SLC17A6: variants seen among roughly 807,000 people sequenced by gnomAD.
SLC17A6 encodes solute carrier family 17 member 6.
In SLC17A6, 35 loss-of-function variants were observed where a neutral mutation model predicts 67.1. The ratio of observed to expected loss-of-function variants is 0.52; its 90% CI spans 0.40 to 0.69. The LOEUF is 0.69. SLC17A6 is among the 30% of genes least tolerant of loss of function. The pLI is 0.00. For synonymous variants in SLC17A6, 285 were observed against 252.3 expected (o/e 1.13, Z -1.23); for missense variants, 588 against 723.9 (o/e 0.81, Z 2.15).
chr11:22,370,602 A>G (rs1277055310), intron 8 of SLC17A6, among the ~76,000 whole-genome samples: 1 of 152,184 alleles, frequency 6.6e-6, no homozygotes, highest in Non-Finnish European at 1.5e-5. Context: ...ATGCTCTTAG[A>G]ACTCTTGTCC....
At chr11:22,354,529 T>C (rs72969009) in intron 3 of SLC17A6, among the ~76,000 whole-genome samples, 4,018 of 152,302 alleles carry the variant, frequency 0.026, 77 homozygotes, top group Non-Finnish European at 0.042. Context: ...ATAAGAGAGA[T>C]GGGGTAGAAT....
At chr11:22,361,108 G>A in intron 5 of SLC17A6, 124 bp downstream of exon 5, 1 of 634,590 alleles carries the variant, frequency 1.6e-6, no homozygotes, top group South Asian at 2.6e-5. Flanking sequence ...TCTGTGAGTG[G>A]TAAGGTTTTT....
intron 7 of SLC17A6, 111 bp downstream of exon 7, chr11:22,365,800 A>G (rs1856105555): frequency 2.6e-6 from 3 of 1,168,110 alleles, no homozygotes; most frequent in Non-Finnish European, 3.6e-6. Flanking sequence ...GGTATCAATC[A>G]TAACTTCTTT....
intron 5 of SLC17A6, chr11:22,362,253 G>A: frequency 2.1e-6 from 1 of 474,018 alleles, no homozygotes; most frequent in Non-Finnish European, 4.1e-6. Context: ...GAGAACTGAA[G>A]CAATATGCCT....
intron 3 of SLC17A6, among the ~76,000 whole-genome samples, chr11:22,355,456 G>A (rs1855984813): frequency 6.6e-6 from 1 of 152,052 alleles, no homozygotes; most frequent in Admixed American, 6.6e-5. Flanking sequence ...CTGAACTTAG[G>A]TGGTTGTTAA....
At chr11:22,363,432 C>G (rs1055671944) in intron 6 of SLC17A6, among the ~76,000 whole-genome samples, 45 of 152,108 alleles carry the variant, frequency 3.0e-4, no homozygotes, top group African/African-American at 1.0e-3. Context: ...TTCAAAATAT[C>G]CCTACAGTCT....
chr11:22,352,630 C>T (rs1855953674), intron 3 of SLC17A6, among the ~76,000 whole-genome samples: 1 of 152,156 alleles, frequency 6.6e-6, no homozygotes, highest in South Asian at 2.1e-4. Context: ...GGACCCAATT[C>T]TCCAAGAGAA....
At chr11:22,376,463 G>C in intron 10 of SLC17A6, 82 bp from the exon 11 acceptor site, 1 of 1,465,346 alleles carries the variant, frequency 6.8e-7, no homozygotes, top group South Asian at 1.2e-5. Context: ...ATATTTTAAG[G>C]AGTTGTGATG....
chr11:22,357,155 A>G (rs1316797588), intron 3 of SLC17A6, among the ~76,000 whole-genome samples: 1 of 152,182 alleles, frequency 6.6e-6, no homozygotes, highest in African/African-American at 2.4e-5. Flanking sequence ...AAGCACCTGA[A>G]CTAGTGATTT....
chr11:22,360,368 G>A (rs1452261700), intron 4 of SLC17A6, among the ~76,000 whole-genome samples: 1 of 151,964 alleles, frequency 6.6e-6, no homozygotes, highest in Non-Finnish European at 1.5e-5. Flanking sequence ...AAGAGCTAAT[G>A]AATGCTGGGC....
intron 8 of SLC17A6, among the ~76,000 whole-genome samples, chr11:22,372,451 C>A (rs755635947): frequency 1.3e-5 from 2 of 151,220 alleles, no homozygotes; most frequent in Non-Finnish European, 2.9e-5. Flanking sequence ...CATATTCAGG[C>A]CCTTGAAAAT....
In SLC17A6 at chr11:22,339,915, A is replaced by C. The variant is rs1228305754; in HGVS notation, c.86+1296A>C. 2.6e-5 allele frequency among the ~76,000 whole-genome samples: 4 copies of C among 152,194 alleles called. No homozygotes were observed. The South Asian group carries it at 8.3e-4, about 31-fold the overall frequency. ...GAAGCAAATGCAGGAAATGAAAAAA[A>C]AAAACCGCATTGGCTGAATTTTTTT... is the stretch of plus-strand genomic sequence containing the variant. On this transcript the variant is annotated intron_variant, in intron 1 of 11. Coordinates refer to ENST00000263160, the MANE Select transcript of SLC17A6 (RefSeq NM_020346.3).
At chr11:22,361,119 G>C in intron 5 of SLC17A6, 135 bp downstream of exon 5, 1 of 587,732 alleles carries the variant, frequency 1.7e-6, no homozygotes, top group Admixed American at 2.9e-5. Flanking sequence ...TAAGGTTTTT[G>C]ACCACCATTT....
intron 3 of SLC17A6, among the ~76,000 whole-genome samples, chr11:22,351,576 T>C (rs948914124): frequency 6.6e-6 from 1 of 152,202 alleles, no homozygotes; most frequent in African/African-American, 2.4e-5. Context: ...TGATTTCAAA[T>C]TATATCATTC....
At chr11:22,372,367 T>C (rs1295879482) in intron 8 of SLC17A6, among the ~76,000 whole-genome samples, 2 of 148,266 alleles carry the variant, frequency 1.3e-5, no homozygotes, top group Non-Finnish European at 3.0e-5. Flanking sequence ...TTAAAACAAG[T>C]ATATATATAT....
chr11:22,358,676 T>C lies in SLC17A6; in HGVS notation c.459-737T>C, dbSNP rs572255407. 1.1e-3 allele frequency among the ~76,000 whole-genome samples: 162 copies of C among 152,294 alleles called. 1 individual carries two copies. The highest frequency in any genetic ancestry group is 3.6e-3 in the African/African-American group (150 of 41,568). On this transcript the variant is annotated intron_variant, in intron 3 of 11. Coordinates refer to ENST00000263160, the MANE Select transcript of SLC17A6 (RefSeq NM_020346.3). ...TTTTTTAACGAAGGAATGGAATTTT[T>C]ACTTGTAGATGGATAAAAGCTTTAG...
intron 3 of SLC17A6, among the ~76,000 whole-genome samples, chr11:22,348,835 C>T (rs1263440674): frequency 6.6e-6 from 1 of 152,034 alleles, no homozygotes; most frequent in Non-Finnish European, 1.5e-5. Context: ...AATTATGAAA[C>T]ATCTCTTGTT....
chr11:22,359,006 G>GT (rs1856019765), intron 3 of SLC17A6, among the ~76,000 whole-genome samples: 1 of 152,130 alleles, frequency 6.6e-6, no homozygotes. Context: ...ATTACCAACT[G>GT]TGTGTCAGGC....
At chr11:22,366,972 C>T (rs1167139681) in intron 7 of SLC17A6, among the ~76,000 whole-genome samples, 1 of 145,756 alleles carries the variant, frequency 6.9e-6, no homozygotes, top group Non-Finnish European at 1.5e-5. Context: ...CTCCACTGCA[C>T]TCCAGCCTGG....
Sources: allele counts gnomAD v4.1 joint callset (sites outside exome capture counted in the v4.1 genomes callset), GRCh38; gene constraint gnomAD v4.1.1; transcripts MANE v1.5; gene names NCBI Gene and HGNC (gene_info 2026-07-23, HGNC 2026-07-21).